The following KCNH5 variants were observed in gnomAD, a reference collection of about 807,000 sequenced individuals.
The protein encoded by KCNH5 is voltage-gated delayed rectifier potassium channel KCNH5.
Under a neutral mutation model 96.1 loss-of-function variants are expected in KCNH5, and 46 were observed. The ratio of observed to expected loss-of-function variants is 0.48; its 90% CI spans 0.38 to 0.61. KCNH5 has a LOEUF of 0.61. Ranked by LOEUF, KCNH5 falls within the 20% of genes least tolerant of loss-of-function variation. The probability of loss-of-function intolerance (pLI) is 0.00; values close to 1 mark genes in which losing one functional copy is unlikely to be tolerated. For synonymous variants in KCNH5, 439 were observed against 449.8 expected, an observed-to-expected ratio of 0.98 and a Z score of 0.30; for missense variants, 907 against 1,225.8, an observed-to-expected ratio of 0.74 and a Z score of 3.88.
intron 5 of KCNH5, 69 bp downstream of exon 5, chr14:62,987,003 A>T: frequency 2.0e-6 from 2 of 978,302 alleles, no homozygotes; most frequent in Non-Finnish European, 3.3e-6. Flanking sequence ...TATCTATATT[A>T]AATCATTTTA....
chr14:62,860,100 A>T (rs1156243654), intron 7 of KCNH5, among the ~76,000 whole-genome samples: 2 of 152,192 alleles, frequency 1.3e-5, no homozygotes, highest in Admixed American at 1.3e-4. Flanking sequence ...CATGATAGAC[A>T]GTTTAGGTTG....
At chr14:62,865,624 C>T (rs146681058) in intron 7 of KCNH5, among the ~76,000 whole-genome samples, 1 of 152,204 alleles carries the variant, frequency 6.6e-6, no homozygotes, top group African/African-American at 2.4e-5. Flanking sequence ...GCTGTCTTGG[C>T]ACTCTGCATA....
chr14:62,913,954 AT>A (rs1889223050), intron 7 of KCNH5, among the ~76,000 whole-genome samples: 1 of 152,174 alleles, frequency 6.6e-6, no homozygotes, highest in South Asian at 2.1e-4. Flanking sequence ...TCAAAAATTA[AT>A]TCTCACTTCA....
rs559946021 is a variant in KCNH5, at chr14:63,039,794, T to G, written c.73+5320A>C. ...AATATAATACATACCTTTTTTCATT[T>G]AACTTTCCTGCATGTCTTACATTTT... On this transcript the variant is annotated intron_variant, in intron 1 of 10. Coordinates refer to ENST00000322893, the MANE Select transcript of KCNH5 (RefSeq NM_139318.5). Among the ~76,000 whole-genome samples, 65 of 152,236 alleles carry G rather than the reference T, an allele frequency of 4.3e-4. 1 individual carries two copies. Among genetic ancestry groups the G allele is most frequent in the Non-Finnish European group, 7.1e-4 (48 of 67,986 alleles).
chr14:62,726,776 A>G (rs1368827572), intron 10 of KCNH5, among the ~76,000 whole-genome samples: 1 of 152,202 alleles, frequency 6.6e-6, no homozygotes, highest in Non-Finnish European at 1.5e-5. Context: ...AAGGTTGTAC[A>G]CATGTAGATA....
intron 8 of KCNH5, among the ~76,000 whole-genome samples, chr14:62,849,291 C>G (rs564387518): frequency 6.6e-6 from 1 of 152,026 alleles, no homozygotes; most frequent in South Asian, 2.1e-4. Context: ...GCAAAAAAGG[C>G]AAAGGGAAAA....
chr14:62,800,338 T>G (rs554549048), intron 9 of KCNH5, among the ~76,000 whole-genome samples: 2 of 152,328 alleles, frequency 1.3e-5, no homozygotes, highest in East Asian at 3.9e-4. Flanking sequence ...GTGTTCATTT[T>G]TACTGTGTCA....
chr14:62,920,799 T>C (rs371692287), intron 7 of KCNH5, among the ~76,000 whole-genome samples: 2 of 152,032 alleles, frequency 1.3e-5, no homozygotes, highest in African/African-American at 4.8e-5. Context: ...AAGGAAAAAA[T>C]ACTGTCTGAA....
At chr14:62,837,591 G>A (rs1391547741) in intron 8 of KCNH5, among the ~76,000 whole-genome samples, 6 of 152,140 alleles carry the variant, frequency 3.9e-5, no homozygotes, top group Non-Finnish European at 8.8e-5. Context: ...CTTAAATGAT[G>A]ATGAAGCATT....
chr14:62,823,957 G>A lies in KCNH5; in HGVS notation c.1570-21376C>T, dbSNP rs563393602. On this transcript the variant is annotated intron_variant, in intron 8 of 10. Transcript: ENST00000322893. ...CTTAATGATCTGCCTTGCAGCAAAC[G>A]AATCTTTCTATGCAGAGCAACTATA... Among the ~76,000 whole-genome samples, 7 of 151,582 alleles carry A rather than the reference G, an allele frequency of 4.6e-5. No individual in the cohort carries two copies. The South Asian group carries it at 6.3e-4, about 14-fold the overall frequency.
chr14:62,777,499 T>C (rs896242391), intron 10 of KCNH5, among the ~76,000 whole-genome samples: 1 of 152,218 alleles, frequency 6.6e-6, no homozygotes, highest in African/African-American at 2.4e-5. Context: ...ACCCATTAGA[T>C]AATATTTTCT....
chr14:62,745,359 T>C (rs998435696), intron 10 of KCNH5, among the ~76,000 whole-genome samples: 1 of 152,120 alleles, frequency 6.6e-6, no homozygotes, highest in African/African-American at 2.4e-5. Flanking sequence ...GAGGTTATCA[T>C]CCTAGAAAAG....
chr14:62,832,963 TA>T, intron 8 of KCNH5, among the ~76,000 whole-genome samples: 1 of 146,418 alleles, frequency 6.8e-6, no homozygotes, highest in South Asian at 2.3e-4. Context: ...TAAATTTGGT[TA>T]TTTGTGGGTT....
chr14:62,832,362 T>C (rs1887371308), intron 8 of KCNH5, among the ~76,000 whole-genome samples: 1 of 152,178 alleles, frequency 6.6e-6, no homozygotes, highest in Non-Finnish European at 1.5e-5. Flanking sequence ...CATGCGGTAT[T>C]TGTCCTTTAA....
intron 7 of KCNH5, among the ~76,000 whole-genome samples, chr14:62,907,626 TCAA>T (rs1348117450): frequency 6.6e-6 from 1 of 152,054 alleles, no homozygotes; most frequent in East Asian, 1.9e-4. Flanking sequence ...AAATTGAGGG[TCAA>T]TTGCCTAGAC....
intron 6 of KCNH5, among the ~76,000 whole-genome samples, chr14:62,978,059 G>T (rs1003728968): frequency 6.6e-6 from 1 of 152,210 alleles, no homozygotes; most frequent in East Asian, 1.9e-4. Flanking sequence ...GCTTCAACAT[G>T]TGAGCTGCAG....
At chr14:62,800,216 T>C (rs1056498396) in intron 9 of KCNH5, among the ~76,000 whole-genome samples, 6 of 152,160 alleles carry the variant, frequency 3.9e-5, no homozygotes, top group Non-Finnish European at 8.8e-5. Context: ...GCACAAGATG[T>C]GAAAAGTCTC....
At chr14:62,809,144 CA>C (rs1329143517) in intron 8 of KCNH5, among the ~76,000 whole-genome samples, 1 of 152,068 alleles carries the variant, frequency 6.6e-6, no homozygotes, top group Non-Finnish European at 1.5e-5. Flanking sequence ...CAGCTTGTAG[CA>C]ATTGAGCAAA....
chr14:62,949,519 G>A (rs185646799), intron 7 of KCNH5, among the ~76,000 whole-genome samples: 8 of 152,018 alleles, frequency 5.3e-5, no homozygotes, highest in African/African-American at 1.9e-4. Flanking sequence ...GTTCCTTTAG[G>A]GGGTATTCTA....
Sources: allele counts gnomAD v4.1 joint callset (sites outside exome capture counted in the v4.1 genomes callset), GRCh38; gene constraint gnomAD v4.1.1; transcripts MANE v1.5; gene names NCBI Gene and HGNC (gene_info 2026-07-23, HGNC 2026-07-21).